The following FERMT2 variants were observed in gnomAD, a reference collection of about 807,000 sequenced individuals.
FERMT2 encodes the protein FERM domain containing kindlin 2, also known as fermitin family homolog 2.
FERMT2 carries 15 observed loss-of-function variants against 82.7 expected under a neutral mutation model. The observed-to-expected ratio is 0.18, with a 90% confidence interval of 0.12 to 0.28. FERMT2 has a LOEUF of 0.28. Ranked by LOEUF, FERMT2 falls within the 10% of genes least tolerant of loss-of-function variation. FERMT2 has a pLI of 1.00. For missense variants in FERMT2, 645 were observed against 809.4 expected (o/e 0.80, Z 2.46); for synonymous variants, 274 against 271.5 (o/e 1.01, Z -0.09).
chr14:52,869,738 A>G (rs1472575838), intron 10 of FERMT2, among the ~76,000 whole-genome samples: 1 of 152,232 alleles, frequency 6.6e-6, no homozygotes, highest in Non-Finnish European at 1.5e-5. Flanking sequence ...TAAATAAAAA[A>G]GTTAACTGTA....
chr14:52,946,539 G>A (rs1372560361), intron 2 of FERMT2, among the ~76,000 whole-genome samples: 3 of 152,096 alleles, frequency 2.0e-5, no homozygotes, highest in Non-Finnish European at 4.4e-5. Context: ...TGTAGTTCCA[G>A]CTACTCAGGA....
chr14:52,893,531 A>G (rs1162928580), intron 3 of FERMT2, 104 bp from the exon 4 acceptor site: 3 of 862,058 alleles, frequency 3.5e-6, no homozygotes, highest in Non-Finnish European at 5.3e-6. Flanking sequence ...TTCCTTCTGT[A>G]TGTCTGAGTT....
chr14:52,942,824 A>G (rs1890155035), intron 2 of FERMT2, among the ~76,000 whole-genome samples: 1 of 152,200 alleles, frequency 6.6e-6, no homozygotes, highest in South Asian at 2.1e-4. Context: ...CCTACATCCA[A>G]TGATGTCTAA....
intron 2 of FERMT2, among the ~76,000 whole-genome samples, chr14:52,937,242 T>G (rs911365943): frequency 6.6e-6 from 1 of 152,172 alleles, no homozygotes; most frequent in Non-Finnish European, 1.5e-5. Flanking sequence ...GGTTAAGGAA[T>G]GAGTTAATTT....
At chr14:52,936,211 C>A (rs1889830643) in intron 2 of FERMT2, among the ~76,000 whole-genome samples, 1 of 152,158 alleles carries the variant, frequency 6.6e-6, no homozygotes, top group African/African-American at 2.4e-5. Flanking sequence ...ACTAGCTATT[C>A]TAAAGTTCAA....
chr14:52,924,331 G>A (rs1889130524), intron 2 of FERMT2, among the ~76,000 whole-genome samples: 1 of 152,134 alleles, frequency 6.6e-6, no homozygotes, highest in South Asian at 2.1e-4. Flanking sequence ...CTGCCTGATT[G>A]GCATTAGAAT....
intron 2 of FERMT2, among the ~76,000 whole-genome samples, chr14:52,937,130 C>T (rs1447987217): frequency 1.3e-5 from 2 of 151,880 alleles, no homozygotes; most frequent in Non-Finnish European, 2.9e-5. Flanking sequence ...CCACTGCACT[C>T]TAACCTGGGC....
rs543546071 is a variant in FERMT2, at chr14:52,863,369, T to C, written c.1602+1032A>G. On this transcript the variant is annotated intron_variant, in intron 12 of 14. Coordinates refer to ENST00000341590, the MANE Select transcript of FERMT2 (RefSeq NM_006832.3). The stretch of plus-strand genomic sequence containing the variant: ...GAGCCTTTTTAGTATGTTTTAAAAT[T>C]ATTCCTTAACAAAGATTAAAGCAAA... The C allele has an allele frequency of 2.6e-5, 4 of 152,336 alleles. No individual in the cohort carries two copies. In the South Asian group the frequency reaches 8.3e-4, roughly 32 times the overall value. 9.4% of individuals were successfully genotyped at this position (152,336 alleles called of 1,614,324 possible).
chr14:52,864,797 G>A lies in FERMT2; in HGVS notation c.1330C>T (p.Leu444=), dbSNP rs1224964769. The A allele has an allele frequency of 1.2e-6, 2 of 1,612,310 alleles. No homozygotes were observed. The highest frequency in any genetic ancestry group is 2.2e-5 in the East Asian group (1 of 44,864). Residue 444 remains leucine, a synonymous_variant, in exon 11 of 15, where the codon CTG becomes TTG. Transcript: ENST00000341590. ...TTCATGCCTTCTGCAACTGGAATCA[G>A]GAGTTTAATGTTAAATTTTTGGCCT... ...ISGQKFNIKL[L]IPVAEGMNEI...
At chr14:52,865,679 C>A (rs903585854) in intron 10 of FERMT2, among the ~76,000 whole-genome samples, 11 of 152,112 alleles carry the variant, frequency 7.2e-5, no homozygotes, top group African/African-American at 2.7e-4. Context: ...GTAGGCTCTA[C>A]GAAGAAAATT....
At chr14:52,889,190 A>G (rs975925360) in intron 4 of FERMT2, among the ~76,000 whole-genome samples, 1 of 152,238 alleles carries the variant, frequency 6.6e-6, no homozygotes, top group African/African-American at 2.4e-5. Context: ...TGGATTAAAT[A>G]TATTACATGT....
intron 13 of FERMT2, chr14:52,860,094 G>A: frequency 2.5e-6 from 1 of 393,122 alleles, no homozygotes; most frequent in South Asian, 3.8e-5. Flanking sequence ...TGCGATTACA[G>A]GCGTGAGCCA....
intron 2 of FERMT2, among the ~76,000 whole-genome samples, chr14:52,928,693 T>C (rs1304530403): frequency 2.0e-5 from 3 of 152,180 alleles, no homozygotes; most frequent in Non-Finnish European, 4.4e-5. Context: ...TTCGAACTTC[T>C]CACACTTCTG....
At chr14:52,861,084 A>G (rs185865262) in intron 12 of FERMT2, 2 of 1,468,778 alleles carry the variant, frequency 1.4e-6, no homozygotes, top group African/African-American at 2.9e-5. Flanking sequence ...AGAAAAAAAA[A>G]GGCAATCAGA....
intron 10 of FERMT2, among the ~76,000 whole-genome samples, chr14:52,870,629 C>T (rs935352958): frequency 2.0e-5 from 3 of 152,272 alleles, no homozygotes; most frequent in African/African-American, 7.2e-5. Context: ...GTATTCAGTA[C>T]AGTAAAATGC....
intron 6 of FERMT2, 46 bp from the exon 7 acceptor site, chr14:52,878,735 T>A (rs544087654): frequency 9.9e-7 from 1 of 1,006,944 alleles, no homozygotes; most frequent in African/African-American, 1.6e-5. Flanking sequence ...ACCTTTACCA[T>A]TGAAAAATTT....
At chr14:52,936,274 T>A (rs1296804231) in intron 2 of FERMT2, among the ~76,000 whole-genome samples, 1 of 152,246 alleles carries the variant, frequency 6.6e-6, no homozygotes, top group African/African-American at 2.4e-5. Context: ...TGTAAGCTTA[T>A]CTCAGAAAAT....
intron 2 of FERMT2, among the ~76,000 whole-genome samples, chr14:52,943,769 T>A (rs1372000331): frequency 5.9e-5 from 9 of 152,254 alleles, no homozygotes; most frequent in Admixed American, 5.9e-4. Flanking sequence ...AGATGAAGAT[T>A]ACGCAGTGTT....
chr14:52,920,470 T>G (rs4901314), intron 2 of FERMT2, among the ~76,000 whole-genome samples: 1 of 145,818 alleles, frequency 6.9e-6, no homozygotes, highest in Non-Finnish European at 1.5e-5. Flanking sequence ...ATCTCTATAA[T>G]TTTTTTTTTT....
Sources: allele counts gnomAD v4.1 joint callset (sites outside exome capture counted in the v4.1 genomes callset), GRCh38; gene constraint gnomAD v4.1.1; transcripts MANE v1.5; gene names NCBI Gene and HGNC (gene_info 2026-07-23, HGNC 2026-07-21).